Variants in UBE2H observed in about 807,000 individuals in gnomAD.
UBE2H encodes ubiquitin conjugating enzyme E2 H.
Under a neutral mutation model 29.0 loss-of-function variants are expected in UBE2H, and 3 were observed. The observed-to-expected ratio is 0.10, with a 90% CI of 0.05 to 0.27. UBE2H has a LOEUF of 0.27. UBE2H is among the 10% of genes least tolerant of loss of function. UBE2H has a pLI of 1.00. For missense variants in UBE2H, 68 were observed against 228.2 expected (o/e 0.30, Z 4.52); for synonymous variants, 69 against 82.9 (o/e 0.83, Z 0.91).
chr7:129,889,054 G>A (rs765082904), intron 1 of UBE2H, among the ~76,000 whole-genome samples: 9 of 152,198 alleles, frequency 5.9e-5, no homozygotes, highest in Admixed American at 1.3e-4. Flanking sequence ...TCAGGAAACT[G>A]AGAACAATAC....
intron 3 of UBE2H, among the ~76,000 whole-genome samples, chr7:129,869,751 T>C (rs112276197): frequency 2.0e-4 from 30 of 152,184 alleles, no homozygotes; most frequent in Admixed American, 1.9e-3. Context: ...GGGGTGGTGG[T>C]AGCAAAACAG....
intron 1 of UBE2H, among the ~76,000 whole-genome samples, chr7:129,921,694 C>CAAAAAAAAAAAAAAAAAA (rs1047164274): frequency 1.5e-5 from 1 of 68,510 alleles, no homozygotes; most frequent in Non-Finnish European, 3.0e-5. Context: ...GACTCTGTCA[C>CAAAAAAAAAAAAAAAAAA]AAAAAAAAAA....
intron 3 of UBE2H, among the ~76,000 whole-genome samples, chr7:129,868,516 CTTGCAGTGAGCCGAGA>C (rs1805959196): frequency 7.4e-6 from 1 of 134,398 alleles, no homozygotes. Flanking sequence ...GGAAGCGGAG[CTTGCAGTGAGCCGAGA>C]TTGCGCCACT....
At chr7:129,880,122 C>T (rs1806224525) in intron 2 of UBE2H, among the ~76,000 whole-genome samples, 1 of 152,040 alleles carries the variant, frequency 6.6e-6, no homozygotes, top group East Asian at 1.9e-4. Context: ...GTTCCACACC[C>T]CTGGATTCAA....
chr7:129,873,025 T>G (rs1025430357), intron 3 of UBE2H, among the ~76,000 whole-genome samples: 7 of 151,356 alleles, frequency 4.6e-5, no homozygotes, highest in East Asian at 2.0e-4. Context: ...TCAGAGTTTT[T>G]TTTTTTTTTT....
chr7:129,877,614 T>G (rs1310463925), intron 3 of UBE2H, among the ~76,000 whole-genome samples: 1 of 152,198 alleles, frequency 6.6e-6, no homozygotes, highest in African/African-American at 2.4e-5. Flanking sequence ...TATCAAGTCC[T>G]GAAAGCACAC....
At chr7:129,939,691 G>A (rs187928649) in intron 1 of UBE2H, among the ~76,000 whole-genome samples, 165 of 152,260 alleles carry the variant, frequency 1.1e-3, no homozygotes, top group African/African-American at 3.5e-3. Context: ...TGGGCACGGT[G>A]GCTCATGCCT....
At chr7:129,878,785 A>T (rs78850188) in intron 3 of UBE2H, among the ~76,000 whole-genome samples, 9,406 of 151,140 alleles carry the variant, frequency 0.062, 368 homozygotes, top group Non-Finnish European at 0.091. Flanking sequence ...AATGCTCAAT[A>T]TATTACAATT....
chr7:129,928,645 A>G (rs1215721182), intron 1 of UBE2H, among the ~76,000 whole-genome samples: 5 of 152,242 alleles, frequency 3.3e-5, no homozygotes, highest in Non-Finnish European at 7.3e-5. Context: ...TGTCTTTTCA[A>G]ATAACTAGAA....
intron 1 of UBE2H, among the ~76,000 whole-genome samples, chr7:129,950,398 GA>G (rs943407174): frequency 6.6e-6 from 1 of 151,518 alleles, no homozygotes; most frequent in Non-Finnish European, 1.5e-5. Flanking sequence ...CTTAGGGGGA[GA>G]AAAAAAAGAC....
At chr7:129,864,647 G>A (rs1414306459) in intron 3 of UBE2H, among the ~76,000 whole-genome samples, 1 of 147,728 alleles carries the variant, frequency 6.8e-6, no homozygotes, top group Non-Finnish European at 1.5e-5. Context: ...CACCTCACGG[G>A]TTCAAGCTAT....
intron 1 of UBE2H, among the ~76,000 whole-genome samples, chr7:129,934,049 C>G (rs536585746): frequency 6.6e-6 from 1 of 152,168 alleles, no homozygotes; most frequent in Non-Finnish European, 1.5e-5. Context: ...AAGCCAGGCA[C>G]AGTCACTCAT....
intron 1 of UBE2H, among the ~76,000 whole-genome samples, chr7:129,905,007 G>T (rs139756214): frequency 5.9e-4 from 89 of 152,036 alleles, no homozygotes; most frequent in Middle Eastern, 3.4e-3. Context: ...CCAAGGACAT[G>T]AAGTAAGATG....
chr7:129,867,430 T>C (rs1349435803), intron 3 of UBE2H, among the ~76,000 whole-genome samples: 1 of 135,562 alleles, frequency 7.4e-6, no homozygotes, highest in Admixed American at 7.8e-5. Context: ...ACCATCATTC[T>C]CAGTAAACTA....
intron 1 of UBE2H, among the ~76,000 whole-genome samples, chr7:129,884,415 T>TAAA (rs1563033622): frequency 7.9e-6 from 1 of 126,070 alleles, no homozygotes; most frequent in Non-Finnish European, 1.7e-5. Context: ...AGACTCCATC[T>TAAA]CAAAAAAAAA....
At chr7:129,849,900 T>G (rs2116295226) in intron 5 of UBE2H, among the ~76,000 whole-genome samples, 1 of 152,348 alleles carries the variant, frequency 6.6e-6, no homozygotes, top group Admixed American at 6.5e-5. Flanking sequence ...CTCAGCAGAT[T>G]CACATATCTT....
chr7:129,845,382 C>T (rs1018905034), intron 5 of UBE2H, among the ~76,000 whole-genome samples: 14 of 152,154 alleles, frequency 9.2e-5, no homozygotes, highest in African/African-American at 3.4e-4. Context: ...TCCCCTATCC[C>T]CAAAGAATAG....
chr7:129,926,508 CA>C (rs535498835), intron 1 of UBE2H, among the ~76,000 whole-genome samples: 194 of 124,782 alleles, frequency 1.6e-3, no homozygotes, highest in Admixed American at 1.8e-3. Flanking sequence ...AACTCCGTCT[CA>C]AAAAAAAAAA....
intron 1 of UBE2H, among the ~76,000 whole-genome samples, chr7:129,893,723 C>T (rs775645848): frequency 6.6e-6 from 1 of 152,176 alleles, no homozygotes; most frequent in South Asian, 2.1e-4. Flanking sequence ...GACTGCTTTG[C>T]TGTTTTATGG....
Sources: gnomAD v4.1 joint callset for allele counts (sites outside exome capture counted in the v4.1 genomes callset) on GRCh38, gnomAD v4.1.1 for gene constraint, MANE v1.5 for transcripts, NCBI Gene and HGNC (gene_info 2026-07-23, HGNC 2026-07-21) for gene names.